Variants in PUDP observed in about 807,000 individuals in gnomAD.
The protein encoded by PUDP is pseudouridine 5'-phosphatase.
In PUDP, 8 loss-of-function variants were observed where a neutral mutation model predicts 9.4. The ratio of observed to expected loss-of-function variants is 0.85; its 90% CI spans 0.50 to 1.53. PUDP has a LOEUF of 1.53. PUDP is among the 40% of genes most tolerant of loss of function. The probability of loss-of-function intolerance (pLI) is 0.00; values close to 1 mark genes in which losing one functional copy is unlikely to be tolerated. For synonymous variants in PUDP, 99 were observed against 80.7 expected, an observed-to-expected ratio of 1.23 and a Z score of -1.22; for missense variants, 188 against 189.7, an observed-to-expected ratio of 0.99 and a Z score of 0.05.
intron 3 of PUDP, among the ~76,000 whole-genome samples, chrX:6,895,467 T>C (rs1478621439): frequency 1.8e-5 from 2 of 108,154 alleles, no homozygotes; most frequent in African/African-American, 6.7e-5. Flanking sequence ...AATATAGTAA[T>C]TATACATAAT....
intron 3 of PUDP, among the ~76,000 whole-genome samples, chrX:6,877,457 C>A (rs1927281737): frequency 9.0e-6 from 1 of 111,623 alleles, no homozygotes; most frequent in Non-Finnish European, 1.9e-5. Context: ...CATGCGGTGC[C>A]AGGGCAAAGG....
intron 1 of PUDP, among the ~76,000 whole-genome samples, chrX:7,024,445 C>T (rs1929677533): frequency 9.0e-6 from 1 of 111,200 alleles, no homozygotes; most frequent in Admixed American, 9.6e-5. Context: ...AAGATGATCA[C>T]ATTGTTTTTT....
chrX:7,142,647 T>TG (rs1197905029), intron 1 of PUDP, among the ~76,000 whole-genome samples: 1 of 100,816 alleles, frequency 9.9e-6, no homozygotes, highest in Non-Finnish European at 2.0e-5. Flanking sequence ...TCCAATTTTT[T>TG]TTTTTTTTTT....
At chrX:6,793,016 C>G (rs941622451) in intron 3 of PUDP, among the ~76,000 whole-genome samples, 1 of 112,501 alleles carries the variant, frequency 8.9e-6, no homozygotes, top group Admixed American at 9.4e-5. Context: ...ATAGCACTCA[C>G]TCTGGACTGG....
chrX:6,787,521 G>A (rs1397290233), intron 3 of PUDP, among the ~76,000 whole-genome samples: 2 of 112,191 alleles, frequency 1.8e-5, no homozygotes, highest in East Asian at 5.6e-4. Flanking sequence ...TTTCTGTGCT[G>A]TAGAATATTA....
At chrX:6,795,136 G>A (rs1414399622) in intron 3 of PUDP, among the ~76,000 whole-genome samples, 1 of 110,438 alleles carries the variant, frequency 9.1e-6, no homozygotes, top group Non-Finnish European at 1.9e-5. Flanking sequence ...GTCACTAGGC[G>A]ACAGGAATTT....
At chrX:6,963,780 T>C (rs1928741660) in intron 3 of PUDP, among the ~76,000 whole-genome samples, 2 of 112,042 alleles carry the variant, frequency 1.8e-5, no homozygotes, top group Admixed American at 9.5e-5. Context: ...TTTTCCACCA[T>C]GCCAATCCTT....
At chrX:7,083,613 C>T (rs1052319079) in intron 2 of PUDP, among the ~76,000 whole-genome samples, 1 of 110,877 alleles carries the variant, frequency 9.0e-6, no homozygotes, top group Non-Finnish European at 1.9e-5. Context: ...GAAATATGTC[C>T]GGTTTGGCTG....
intron 3 of PUDP, among the ~76,000 whole-genome samples, chrX:6,890,935 C>CAAAAAAAAAA (rs764486249): frequency 9.1e-5 from 3 of 33,149 alleles, no homozygotes; most frequent in African/African-American, 4.4e-4. Context: ...CTCATCTCTC[C>CAAAAAAAAAA]AAAAAAAAAA....
At chrX:6,971,421 C>CTTTTTTTTTTTTTT (rs762990448) in intron 3 of PUDP, among the ~76,000 whole-genome samples, 1 of 99,406 alleles carries the variant, frequency 1.0e-5, no homozygotes, top group African/African-American at 3.6e-5. Flanking sequence ...TTTTTCTTTT[C>CTTTTTTTTTTTTTT]TTTTTTTTTT....
intron 3 of PUDP, among the ~76,000 whole-genome samples, chrX:6,817,016 T>C (rs1267603971): frequency 4.4e-5 from 4 of 90,372 alleles, no homozygotes; most frequent in African/African-American, 1.3e-4. Context: ...TATATACACA[T>C]ATAGTATATA....
chrX:7,111,710 G>A (rs148482619), intron 1 of PUDP, among the ~76,000 whole-genome samples: 2,586 of 111,698 alleles, frequency 0.023, 61 homozygotes, highest in African/African-American at 0.079. Flanking sequence ...GCTGGACCTT[G>A]GCTTGCACAC....
intron 3 of PUDP, among the ~76,000 whole-genome samples, chrX:6,901,384 G>A (rs1464496983): frequency 8.9e-6 from 1 of 112,184 alleles, no homozygotes; most frequent in Non-Finnish European, 1.9e-5. Flanking sequence ...TACAGCCAAC[G>A]ATCAAAGATA....
At chrX:6,741,862 TTC>T (rs1314874624) in intron 3 of PUDP, among the ~76,000 whole-genome samples, 1 of 107,460 alleles carries the variant, frequency 9.3e-6, no homozygotes, top group African/African-American at 3.5e-5. Flanking sequence ...TTTTCTTTCT[TTC>T]TTTCTTTCTT....
chrX:6,925,977 CA>C (rs944097856), intron 3 of PUDP, among the ~76,000 whole-genome samples: 2 of 111,463 alleles, frequency 1.8e-5, no homozygotes, highest in African/African-American at 6.5e-5. Flanking sequence ...TCTGTTTTGT[CA>C]GTCTTATGAT....
At chrX:6,720,258 G>GTGTGTATATATATATATA (rs1555907522) in intron 1 of PUDP, among the ~76,000 whole-genome samples, 9 of 48,793 alleles carry the variant, frequency 1.8e-4, no homozygotes, top group African/African-American at 7.3e-4. Flanking sequence ...GTGTGTGTGT[G>GTGTGTATATATATATATA]TATATATATA....
intron 3 of PUDP, among the ~76,000 whole-genome samples, chrX:6,793,326 T>C (rs1339841494): frequency 8.9e-6 from 1 of 111,782 alleles, no homozygotes; most frequent in Non-Finnish European, 1.9e-5. Flanking sequence ...AGCCTCATAA[T>C]AAGGGTTCTA....
rs138107063 is a variant in PUDP at position 6,853,419 on chromosome X, G to A, written c.*247+123714C>T. Among the ~76,000 whole-genome samples, 381 of 103,113 alleles carry A rather than the reference G, an allele frequency of 3.7e-3. 1 individual carries two copies. Among genetic ancestry groups the A allele is most frequent in the African/African-American group, 0.013 (367 of 28,390 alleles). The allele number at this position is 103,113 out of a possible 115,157, so 89.5% of individuals were successfully genotyped here. On this transcript the variant is annotated intron_variant and NMD_transcript_variant, in intron 3 of 3. Transcript: ENST00000655425. ...GTATCCATGAACAGTAAGTGGTCTTGTCAATTCTGAAAATATTCCCCCCTT... is the reference window on the plus strand; with the variant it reads ...GTATCCATGAACAGTAAGTGGTCTTATCAATTCTGAAAATATTCCCCCCTT...
At chrX:6,879,296 CTAAGA>C (rs1927311176) in intron 3 of PUDP, among the ~76,000 whole-genome samples, 2 of 111,866 alleles carry the variant, frequency 1.8e-5, no homozygotes, top group African/African-American at 6.5e-5. Flanking sequence ...TATTACTGTG[CTAAGA>C]TTGGATTATG....
Sources: gnomAD v4.1 joint callset for allele counts (sites outside exome capture counted in the v4.1 genomes callset) on GRCh38, gnomAD v4.1.1 for gene constraint, MANE v1.5 for transcripts, NCBI Gene and HGNC (gene_info 2026-07-23, HGNC 2026-07-21) for gene names.